CACNA1A: variants seen among roughly 807,000 people sequenced by gnomAD.
The protein encoded by CACNA1A is calcium voltage-gated channel subunit alpha1 A.
A neutral mutation model predicts 262.4 loss-of-function variants in CACNA1A; 57 were observed. The ratio of observed to expected loss-of-function variants is 0.22; its 90% CI spans 0.18 to 0.27. CACNA1A has a LOEUF of 0.27. Ranked by LOEUF, CACNA1A falls within the 10% of genes least tolerant of loss-of-function variation. CACNA1A has a pLI of 1.00. For missense variants in CACNA1A, 2,526 were observed against 3,562.8 expected (o/e 0.71, Z 7.41); for synonymous variants, 1,431 against 1,419.3 (o/e 1.01, Z -0.18).
intron 23 of CACNA1A, 150 bp downstream of exon 23, chr19:13,276,919 C>G: frequency 1.8e-6 from 1 of 543,100 alleles, no homozygotes; most frequent in Non-Finnish European, 3.4e-6. Context: ...ACCATGTTGG[C>G]CAGGCTGGCC....
intron 6 of CACNA1A, among the ~76,000 whole-genome samples, chr19:13,352,899 A>G (rs2058940555): frequency 6.6e-6 from 1 of 151,250 alleles, no homozygotes; most frequent in Admixed American, 6.6e-5. Context: ...CAGCCTCCCA[A>G]GTAGCTGGGA....
intron 3 of CACNA1A, chr19:13,450,311 T>C (rs1254681850): frequency 1.3e-5 from 2 of 152,242 alleles, no homozygotes; most frequent in East Asian, 3.9e-4. Context: ...GCCTTTGCAC[T>C]GGCTGTTCCC....
chr19:13,334,484 G>T lies in CACNA1A; in HGVS notation c.1092C>A (p.Ala364=). The T allele has an allele frequency of 6.2e-7, 1 of 1,601,520 alleles. No individual in the cohort carries two copies. Among genetic ancestry groups the T allele is most frequent in the Non-Finnish European group, 8.6e-7 (1 of 1,168,788 alleles). Residue 364 remains alanine, a synonymous_variant, in exon 8 of 47, where the codon GCC becomes GCA. Coordinates refer to ENST00000360228, the MANE Select transcript of CACNA1A (RefSeq NM_001127222.2). The part of the protein sequence containing the change: ...LVLGVLSGEF[A]KERERVENRR... ...GGTTCTCCACCCGTTCCCTTTCTTT[G>T]GCAAACTCCCTGGAGAAGCATAGAA...
At chr19:13,472,534 T>C (rs903106108) in intron 1 of CACNA1A, among the ~76,000 whole-genome samples, 3 of 152,128 alleles carry the variant, frequency 2.0e-5, no homozygotes, top group African/African-American at 7.2e-5. Context: ...CTCATCAGAC[T>C]CTAGCTACAC....
In CACNA1A at chr19:13,298,530, T is replaced by C; in HGVS notation, c.3089+14A>G. On this transcript the variant is annotated intron_variant, in intron 19 of 46. Coordinates refer to ENST00000360228, the MANE Select transcript of CACNA1A (RefSeq NM_001127222.2). Reference sequence around the variant, plus strand: ...TTACCGTCATTCTGCGGATTCGAGGTCACCTCCACTTACTTCCTCCTCCGA... The same window carrying C: ...TTACCGTCATTCTGCGGATTCGAGGCCACCTCCACTTACTTCCTCCTCCGA... The C allele has an allele frequency of 6.5e-7, 1 of 1,537,978 alleles. No individual in the cohort carries two copies. The highest frequency in any genetic ancestry group is 8.8e-7 in the Non-Finnish European group (1 of 1,139,414).
intron 10 of CACNA1A, among the ~76,000 whole-genome samples, chr19:13,322,149 C>T (rs1383408519): frequency 1.4e-5 from 2 of 143,642 alleles, no homozygotes; most frequent in Non-Finnish European, 3.0e-5. Flanking sequence ...TTGTAGTGAG[C>T]TGTGATCGTG....
chr19:13,399,750 C>G (rs79648323), intron 3 of CACNA1A, among the ~76,000 whole-genome samples: 7,066 of 152,232 alleles, frequency 0.046, 293 homozygotes, highest in African/African-American at 0.11. Context: ...AGCCCAGGCT[C>G]TCCTTTGAAT....
At chr19:13,437,691 C>CA (rs35266881) in intron 3 of CACNA1A, among the ~76,000 whole-genome samples, 10,305 of 63,842 alleles carry the variant, frequency 0.16, 695 homozygotes, top group East Asian at 0.25. Context: ...AACCCCATCT[C>CA]AAAAAAAAAA....
intron 24 of CACNA1A, among the ~76,000 whole-genome samples, chr19:13,269,342 G>A (rs1457364589): frequency 6.6e-6 from 1 of 152,182 alleles, no homozygotes; most frequent in East Asian, 1.9e-4. Flanking sequence ...CCTGCCCAAG[G>A]GCAGGCACAC....
At chr19:13,334,561 T>TGTGTGTGTGTGTGTGTGTGTGTG (rs2058525950) in intron 7 of CACNA1A, 68 bp from the exon 8 acceptor site, 1 of 277,650 alleles carries the variant, frequency 3.6e-6, no homozygotes, top group African/African-American at 3.4e-5. Context: ...GTGTGTGTGT[T>TGTGTGTGTGTGTGTGTGTGTGTG]TGTGTGTGTG....
chr19:13,262,601 T>A, intron 25 of CACNA1A, 133 bp downstream of exon 25: 1 of 647,392 alleles, frequency 1.5e-6, no homozygotes, highest in Non-Finnish European at 2.9e-6. Flanking sequence ...AATACAAATA[T>A]CCATACACGA....
chr19:13,449,701 A>G (rs181765469), intron 3 of CACNA1A, among the ~76,000 whole-genome samples: 38 of 152,362 alleles, frequency 2.5e-4, no homozygotes, highest in East Asian at 2.3e-3. Flanking sequence ...AAAAATAGGT[A>G]GCATATATTT....
chr19:13,315,575 C>A (rs1163260154), intron 11 of CACNA1A: 1 of 152,076 alleles, frequency 6.6e-6, no homozygotes, highest in Non-Finnish European at 1.5e-5. Context: ...AGTTAAAACA[C>A]GAAGTAGAGT....
At chr19:13,333,123 C>T (rs953726660) in intron 8 of CACNA1A, among the ~76,000 whole-genome samples, 198 bp from the exon 9 acceptor site, 8 of 152,100 alleles carry the variant, frequency 5.3e-5, no homozygotes, top group Admixed American at 5.2e-4. Flanking sequence ...CAACATTCTC[C>T]CCACCTCGCG....
rs778725158 is a variant in CACNA1A at position 13,455,160 on chromosome 19, C to A, written c.346G>T (p.Ala116Ser). The change falls in exon 2 of 47, where the codon GCA becomes TCA. Residue 116 changes from alanine (A) to serine (S), a missense_variant. By Grantham distance (99) the Ala-to-Ser change is moderately conservative. Coordinates refer to ENST00000360228, the MANE Select transcript of CACNA1A (RefSeq NM_001127222.2). ...ATIIANCIVL[A>S]LEQHLPDDDK... ...TCATCAGGCAGATGCTGCTCCAGTGCGAGGACGATGCAATTCGCTATGATG... is the reference window on the plus strand; with the variant it reads ...TCATCAGGCAGATGCTGCTCCAGTGAGAGGACGATGCAATTCGCTATGATG... 3.7e-6 allele frequency: 6 copies of A among 1,612,594 alleles called. No individual in the cohort carries two copies. The East Asian group carries it at 8.9e-5, about 24-fold the overall frequency.
intron 3 of CACNA1A, among the ~76,000 whole-genome samples, chr19:13,410,811 C>T (rs141301936): frequency 4.3e-4 from 66 of 152,180 alleles, no homozygotes; most frequent in African/African-American, 1.4e-3. Context: ...TTGATCATTC[C>T]CTCATACTTG....
rs1289976268 is a variant in CACNA1A at position 13,389,721 on chromosome 19, G to T, written c.540-17942C>A. 3.9e-5 allele frequency among the ~76,000 whole-genome samples: 6 copies of T among 152,130 alleles called. No homozygotes were observed. In the East Asian group the frequency reaches 1.2e-3, roughly 29 times the overall value. On this transcript the variant is annotated intron_variant, in intron 3 of 46. Coordinates refer to ENST00000360228, the MANE Select transcript of CACNA1A (RefSeq NM_001127222.2). The stretch of plus-strand genomic sequence containing the variant: ...ATCCGCCTGTTCACATTTTCGGCCT[G>T]TTTTCCTATTGGGGTTGCTGTGTTA...
At chr19:13,260,325 TATATATA>T (rs1362857372) in intron 26 of CACNA1A, 4 of 77,134 alleles carry the variant, frequency 5.2e-5, no homozygotes, top group Non-Finnish European at 9.6e-5. Context: ...CATATATATA[TATATATA>T]TTTTTGTTGT....
Position 13,263,253 on chromosome 19 carries a change from C to T in CACNA1A, c.3990-420G>A, listed in dbSNP as rs1035987388. On this transcript the variant is annotated intron_variant, in intron 24 of 46. Transcript: ENST00000360228. ...CACGATCTCGGCTCACTGCAACCTC[C>T]GCCTCCTGGGCTAAAGCCATCCTCC... The T allele has an allele frequency of 2.1e-4, 36 of 175,134 alleles. No homozygotes were observed. The South Asian group carries it at 4.5e-3, about 22-fold the overall frequency. 10.8% of individuals were successfully genotyped at this position (175,134 alleles called of 1,614,324 possible). A position where few individuals can be genotyped will look rare whatever the true frequency, so the allele number is the denominator to read the frequency against.
Sources: gnomAD v4.1 joint callset for allele counts (sites outside exome capture counted in the v4.1 genomes callset) on GRCh38, gnomAD v4.1.1 for gene constraint, MANE v1.5 for transcripts, NCBI Gene and HGNC (gene_info 2026-07-23, HGNC 2026-07-21) for gene names.